The following CNGB1 variants were observed in gnomAD, a reference collection of about 807,000 sequenced individuals.
CNGB1 encodes cyclic nucleotide-gated channel beta-1.
In CNGB1, 126 loss-of-function variants were observed where a neutral mutation model predicts 151.7. That is an observed-to-expected ratio of 0.83 (90% CI 0.72 to 0.96). CNGB1 has a LOEUF of 0.96. CNGB1 is among the 40% of genes least tolerant of loss of function. The pLI is 0.00. For synonymous variants in CNGB1, 623 were observed against 635.1 expected, an observed-to-expected ratio of 0.98 and a Z score of 0.29; for missense variants, 1,698 against 1,627.0, an observed-to-expected ratio of 1.04 and a Z score of -0.75.
intron 32 of CNGB1, among the ~76,000 whole-genome samples, chr16:57,886,556 T>G (rs1959934241): frequency 6.6e-6 from 1 of 152,180 alleles, no homozygotes; most frequent in Non-Finnish European, 1.5e-5. Flanking sequence ...TCACCAGACT[T>G]CTACTGTCAA....
In CNGB1 at chr16:57,903,827, A is replaced by G. The variant is rs1960456257; in HGVS notation, c.2789T>C (p.Met930Thr). 1.9e-6 allele frequency: 3 copies of G among 1,614,124 alleles called. No individual in the cohort carries two copies. Among genetic ancestry groups the G allele is most frequent in the East Asian group, 4.5e-5 (2 of 44,878 alleles). ...CCAGGGCGTGACCATCTTACCCAGCATGCCTTGCGAGTGCCAGGTGTACTC... is the reference window on the plus strand; with the variant it reads ...CCAGGGCGTGACCATCTTACCCAGCGTGCCTTGCGAGTGCCAGGTGTACTC... ...WYEYTWHSQG[M>T]LDESELMVQL... Residue 930 changes from methionine (M) to threonine (T), a missense_variant, in exon 27 of 33, where the codon ATG (methionine) becomes ACG (threonine). Coordinates refer to ENST00000251102, the MANE Select transcript of CNGB1 (RefSeq NM_001297.5).
intron 12 of CNGB1, chr16:57,954,718 T>C (rs1962040027): frequency 3.0e-6 from 3 of 985,868 alleles, no homozygotes; most frequent in East Asian, 1.1e-4. Context: ...ATGAAAACAT[T>C]TGTTGCTGCT....
intron 14 of CNGB1, among the ~76,000 whole-genome samples, chr16:57,943,919 G>A (rs542457070): frequency 6.6e-6 from 1 of 151,250 alleles, no homozygotes; most frequent in Non-Finnish European, 1.5e-5. Flanking sequence ...ACAGAGTCTC[G>A]CTGTGTTGCC....
At position 57,911,909 on chromosome 16, in the gene CNGB1, C is replaced by T. The variant is rs546742803; in HGVS notation, c.2370-34G>A. The T allele has an allele frequency of 1.9e-5, 30 of 1,610,596 alleles. No homozygotes were observed. In the African/African-American group the frequency reaches 2.7e-4, roughly 14 times the overall value. ...GGAACACAGCGCATGAACACAGCGGCGGAAGGGGGAGGTGAGGTATAGACA... is the reference window on the plus strand; with the variant it reads ...GGAACACAGCGCATGAACACAGCGGTGGAAGGGGGAGGTGAGGTATAGACA... On this transcript the variant is annotated intron_variant, in intron 24 of 32. Transcript: ENST00000251102.
intron 1 of CNGB1, among the ~76,000 whole-genome samples, chr16:57,970,180 C>T (rs1962504204): frequency 6.6e-6 from 1 of 152,216 alleles, no homozygotes. Context: ...GACATGACCC[C>T]TCTGGTCTTC....
chr16:57,927,201 G>A (rs1418635982), intron 17 of CNGB1, among the ~76,000 whole-genome samples: 3 of 152,142 alleles, frequency 2.0e-5, no homozygotes, highest in Admixed American at 1.3e-4. Flanking sequence ...GGAAAATGGA[G>A]GCCTAGGGAG....
intron 2 of CNGB1, 26 bp downstream of exon 2, chr16:57,967,102 G>T (rs746798537): frequency 6.2e-7 from 1 of 1,613,908 alleles, no homozygotes; most frequent in African/African-American, 1.3e-5. Context: ...AGGCCGGCCT[G>T]CCCCTCCTCC....
At position 57,919,162 on chromosome 16, in the gene CNGB1, A is replaced by G; in HGVS notation, c.1894T>C (p.Cys632Arg). The G allele has an allele frequency of 6.2e-7, 1 of 1,614,208 alleles. No individual in the cohort carries two copies. Among genetic ancestry groups the G allele is most frequent in the East Asian group, 2.2e-5 (1 of 44,882 alleles). ...EEEHYCDMLC[C>R]KFKHRPWKKY... Reference sequence around the variant, plus strand: ...TTCCAGGGGCGGTGTTTGAACTTGCAGCAGAGCATGTCGCAATAGTGCTCC... The same window carrying G: ...TTCCAGGGGCGGTGTTTGAACTTGCGGCAGAGCATGTCGCAATAGTGCTCC... The change falls in exon 20 of 33, where the codon TGC (cysteine) becomes CGC (arginine). Residue 632 changes from cysteine to arginine, a missense_variant. By Grantham distance (180) the Cys-to-Arg change is radical. Transcript: ENST00000251102.
Position 57,917,333 on chromosome 16 carries a change from T to C in CNGB1, c.2101A>G (p.Ile701Val), listed in dbSNP as rs1362453150. 3 of 1,613,672 alleles carry C rather than the reference T, an allele frequency of 1.9e-6. No individual in the cohort carries two copies. Among genetic ancestry groups the C allele is most frequent in the South Asian group, 2.2e-5 (2 of 91,078 alleles). ...AACACGGTGATGTCCAGGAAGTAGATGAGGTCGCATAGGTAATCCATCAGC... is the reference window on the plus strand; with the variant it reads ...AACACGGTGATGTCCAGGAAGTAGACGAGGTCGCATAGGTAATCCATCAGC... ...WLLMDYLCDLIYFLDITVFQT... is the reference protein window; with the variant it reads ...WLLMDYLCDLVYFLDITVFQT... Residue 701 changes from isoleucine to valine, a missense_variant, in exon 21 of 33, where the codon ATC becomes GTC. By Grantham distance (29) the Ile-to-Val change is conservative. Transcript: ENST00000251102.
chr16:57,964,066 C>A, intron 4 of CNGB1, 64 bp downstream of exon 4: 1 of 1,511,904 alleles, frequency 6.6e-7, no homozygotes, highest in Non-Finnish European at 9.2e-7. Flanking sequence ...CCCCAGGGCT[C>A]CCTAGCTGGG....
chr16:57,939,405 C>T (rs764700500), intron 16 of CNGB1, 25 bp downstream of exon 16: 30 of 1,613,772 alleles, frequency 1.9e-5, no homozygotes, highest in East Asian at 4.5e-5. Context: ...CTTGCGCAAC[C>T]CATCACCACC....
At chr16:57,888,204 T>C in intron 31 of CNGB1, 130 bp from the exon 32 acceptor site, 1 of 926,876 alleles carries the variant, frequency 1.1e-6, no homozygotes, top group South Asian at 1.4e-5. Context: ...TAGAGAGTTT[T>C]TTCTGGGCCA....
intron 18 of CNGB1, among the ~76,000 whole-genome samples, chr16:57,922,514 T>C (rs1176290393): frequency 6.7e-6 from 1 of 149,872 alleles, no homozygotes; most frequent in Non-Finnish European, 1.5e-5. Context: ...CTGCAACCTC[T>C]ACCTCCCAGG....
At chr16:57,931,585 C>T in intron 17 of CNGB1, 131 bp downstream of exon 17, 3 of 1,054,276 alleles carry the variant, frequency 2.8e-6, no homozygotes, top group Non-Finnish European at 4.3e-6. Context: ...GCATCATAGT[C>T]CCACTTCTGA....
intron 12 of CNGB1, among the ~76,000 whole-genome samples, chr16:57,956,410 C>T (rs1426607086): frequency 6.6e-6 from 1 of 152,200 alleles, no homozygotes; most frequent in African/African-American, 2.4e-5. Flanking sequence ...ACCATCAACC[C>T]TAACGCCCCC....
chr16:57,955,471 G>C, intron 12 of CNGB1: 2 of 973,168 alleles, frequency 2.1e-6, no homozygotes, highest in South Asian at 1.4e-5. Flanking sequence ...GAAGGTAAGG[G>C]ACACATATCC....
At position 57,943,107 on chromosome 16, in the gene CNGB1, C is replaced by T. The variant is rs144133451; in HGVS notation, c.1122-2786G>A. Among the ~76,000 whole-genome samples, 404 of 152,188 alleles carry T rather than the reference C, an allele frequency of 2.7e-3. 2 individuals carry two copies. Among genetic ancestry groups the T allele is most frequent in the Non-Finnish European group, 4.5e-3 (308 of 68,020 alleles). Reference sequence around the variant, plus strand: ...ATCAACATAGTGAAGAAACACCCTACAGAACGGGAGAAAATACTTGCAAAC... The same window carrying T: ...ATCAACATAGTGAAGAAACACCCTATAGAACGGGAGAAAATACTTGCAAAC... On this transcript the variant is annotated intron_variant, in intron 14 of 32. Transcript: ENST00000251102.
intron 7 of CNGB1, 123 bp downstream of exon 7, chr16:57,962,442 G>T: frequency 1.2e-6 from 1 of 860,188 alleles, no homozygotes. Flanking sequence ...AGGCCCAGAA[G>T]AGACGGGAGG....
chr16:57,885,607 T>C (rs79993734), intron 32 of CNGB1, among the ~76,000 whole-genome samples: 105 of 133,898 alleles, frequency 7.8e-4, no homozygotes, highest in African/African-American at 3.5e-3. Context: ...TCTTTCTTTC[T>C]TTCTTAGACG....
Sources: gnomAD v4.1 joint callset for allele counts (sites outside exome capture counted in the v4.1 genomes callset) on GRCh38, gnomAD v4.1.1 for gene constraint, MANE v1.5 for transcripts, NCBI Gene and HGNC (gene_info 2026-07-23, HGNC 2026-07-21) for gene names.